Variants in OR2L13 observed in about 807,000 individuals in gnomAD.
The protein encoded by OR2L13 is olfactory receptor family 2 subfamily L member 13, also known as olfactory receptor 2L13.
In OR2L13, 14 loss-of-function variants were observed where a neutral mutation model predicts 15.3. The observed-to-expected ratio is 0.91, with a 90% CI of 0.60 to 1.43. The LOEUF is 1.43. OR2L13 is among the 40% of genes most tolerant of loss of function. The probability of loss-of-function intolerance (pLI) is 0.00; values close to 1 mark genes in which losing one functional copy is unlikely to be tolerated. For missense variants in OR2L13, 367 were observed against 387.9 expected (o/e 0.95, Z 0.45); for synonymous variants, 152 against 142.9 (o/e 1.06, Z -0.45).
chr1:247,948,945 A>G, the OR2L13 span: 5 of 1,613,582 alleles, frequency 3.1e-6, no homozygotes, highest in Non-Finnish European at 4.2e-6. Flanking sequence ...CTTCATTCTC[A>G]TTGTTTTCAT....
At chr1:247,990,706 T>A in the OR2L13 span, 4 of 1,545,392 alleles carry the variant, frequency 2.6e-6, no homozygotes, top group Admixed American at 6.7e-5. Flanking sequence ...GATAACAGGA[T>A]CTTGGATGAT....
the OR2L13 span, among the ~76,000 whole-genome samples, chr1:247,972,551 C>T: frequency 6.6e-6 from 1 of 152,126 alleles, no homozygotes. Context: ...TACACTCTCT[C>T]AAGACTAAAC....
At chr1:248,089,520 G>T in the OR2L13 span, among the ~76,000 whole-genome samples, 1 of 152,098 alleles carries the variant, frequency 6.6e-6, no homozygotes, top group East Asian at 1.9e-4. Flanking sequence ...AAAAGCTTAA[G>T]TTCCTTCGGG....
At chr1:248,094,083 G>GA (rs1664663243), upstream of OR2L13, among the ~76,000 whole-genome samples, 1 of 151,960 alleles carries the variant, frequency 6.6e-6, no homozygotes, top group African/African-American at 2.4e-5. Flanking sequence ...ATTTCTAACA[G>GA]AAAAAATTAA....
chr1:247,943,166 G>A, the OR2L13 span, among the ~76,000 whole-genome samples: 1 of 152,116 alleles, frequency 6.6e-6, no homozygotes. Context: ...ATAAACATGG[G>A]CATAGAAATA....
the OR2L13 span, among the ~76,000 whole-genome samples, chr1:248,080,108 A>T: frequency 6.6e-6 from 1 of 152,128 alleles, no homozygotes; most frequent in Non-Finnish European, 1.5e-5. Flanking sequence ...GAACTAGATG[A>T]TCTTTGTTGT....
chr1:248,035,198 C>T, the OR2L13 span, among the ~76,000 whole-genome samples: 1 of 152,004 alleles, frequency 6.6e-6, no homozygotes, highest in Admixed American at 6.6e-5. Context: ...TGCCTGTAAT[C>T]CCAGTACTTT....
the OR2L13 span, among the ~76,000 whole-genome samples, chr1:248,069,830 C>A: frequency 1.3e-5 from 2 of 152,060 alleles, no homozygotes; most frequent in Non-Finnish European, 2.9e-5. Context: ...CAATCCTAGT[C>A]TCTGATAAAA....
At chr1:248,065,845 G>A in the OR2L13 span, among the ~76,000 whole-genome samples, 1 of 151,948 alleles carries the variant, frequency 6.6e-6, no homozygotes, top group African/African-American at 2.4e-5. Context: ...GAAAACATGT[G>A]AGAAATTTTG....
At chr1:247,963,601 A>G in the OR2L13 span, among the ~76,000 whole-genome samples, 1 of 152,198 alleles carries the variant, frequency 6.6e-6, no homozygotes, top group Non-Finnish European at 1.5e-5. Flanking sequence ...TAATCGAGAT[A>G]TGCCTTTTTC....
the OR2L13 span, among the ~76,000 whole-genome samples, chr1:248,058,855 C>T: frequency 6.6e-6 from 1 of 151,946 alleles, no homozygotes; most frequent in Non-Finnish European, 1.5e-5. Context: ...TCCTAAATTA[C>T]AATTTTTTCA....
the OR2L13 span, chr1:248,003,584 T>C: frequency 6.2e-7 from 1 of 1,612,376 alleles, no homozygotes; most frequent in East Asian, 2.2e-5. Flanking sequence ...GATCATAGGC[T>C]CGATCAATGC....
At chr1:248,077,676 GAAGAAAA>G in the OR2L13 span, among the ~76,000 whole-genome samples, 1 of 152,140 alleles carries the variant, frequency 6.6e-6, no homozygotes, top group South Asian at 2.1e-4. Flanking sequence ...CATGACCCAT[GAAGAAAA>G]ACTGTGTAAG....
chr1:248,017,274 A>G, the OR2L13 span, among the ~76,000 whole-genome samples: 1 of 152,236 alleles, frequency 6.6e-6, no homozygotes, highest in Non-Finnish European at 1.5e-5. Context: ...ATTTATTTTT[A>G]CATAAGAAAA....
the OR2L13 span, among the ~76,000 whole-genome samples, chr1:247,970,102 TA>T: frequency 3.9e-5 from 6 of 152,206 alleles, no homozygotes; most frequent in African/African-American, 1.4e-4. Flanking sequence ...GAGGATGTTT[TA>T]TTTTTTTATT....
chr1:247,987,224 C>A, the OR2L13 span, among the ~76,000 whole-genome samples: 1 of 152,154 alleles, frequency 6.6e-6, no homozygotes, highest in African/African-American at 2.4e-5. Context: ...TTGTTGCATG[C>A]TGCAATTTTG....
chr1:248,068,570 A>G, the OR2L13 span, among the ~76,000 whole-genome samples: 5 of 152,168 alleles, frequency 3.3e-5, no homozygotes, highest in Admixed American at 6.5e-5. Flanking sequence ...AAAGCAGAGC[A>G]CCTCTCCTCC....
At chr1:248,003,369 T>A in the OR2L13 span, 1 of 1,608,442 alleles carries the variant, frequency 6.2e-7, no homozygotes, top group Non-Finnish European at 8.5e-7. Context: ...GTTCCTAAGA[T>A]GGCATCTGAT....
At chr1:247,938,594 A>T in the OR2L13 span, among the ~76,000 whole-genome samples, 1 of 152,182 alleles carries the variant, frequency 6.6e-6, no homozygotes, top group Non-Finnish European at 1.5e-5. Context: ...ATATAGAAAC[A>T]TAGAAACGCC....
Sources: allele counts gnomAD v4.1 joint callset (sites outside exome capture counted in the v4.1 genomes callset), GRCh38; gene constraint gnomAD v4.1.1; transcripts MANE v1.5; gene names NCBI Gene and HGNC (gene_info 2026-07-23, HGNC 2026-07-21).